CAMK2D: variants seen among roughly 807,000 people sequenced by gnomAD.
CAMK2D encodes calcium/calmodulin-dependent protein kinase type II subunit delta.
CAMK2D carries 37 observed loss-of-function variants against 84.0 expected under a neutral mutation model. That is an observed-to-expected ratio of 0.44 (90% CI 0.34 to 0.58). The LOEUF is 0.58. CAMK2D is among the 20% of genes least tolerant of loss of function. The pLI, the probability that CAMK2D is intolerant of heterozygous loss-of-function variation, is 0.02. For synonymous variants in CAMK2D, 202 were observed against 212.5 expected, an observed-to-expected ratio of 0.95 and a Z score of 0.43; for missense variants, 448 against 652.5, an observed-to-expected ratio of 0.69 and a Z score of 3.41.
At chr4:113,682,301 T>C (rs1356461733) in intron 2 of CAMK2D, among the ~76,000 whole-genome samples, 1 of 152,084 alleles carries the variant, frequency 6.6e-6, no homozygotes, top group Non-Finnish European at 1.5e-5. Flanking sequence ...TTTATAAAAA[T>C]GTATTTTTAT....
chr4:113,513,487 T>G, intron 11 of CAMK2D, 117 bp from the exon 12 acceptor site: 1 of 770,512 alleles, frequency 1.3e-6, no homozygotes. Flanking sequence ...TAGGGGATTT[T>G]TTATTGTTTG....
intron 8 of CAMK2D, among the ~76,000 whole-genome samples, chr4:113,529,751 C>T (rs142622226): frequency 7.5e-4 from 114 of 152,252 alleles, no homozygotes; most frequent in Non-Finnish European, 6.9e-4. Context: ...TCTGTCCCCT[C>T]GGGATGGTCA....
Position 113,502,936 on chromosome 4 carries a change from C to G in CAMK2D, c.1086G>C (p.Lys362Asn). The G allele has an allele frequency of 6.3e-7, 1 of 1,597,958 alleles. No individual in the cohort carries two copies. Among genetic ancestry groups the G allele is most frequent in the Non-Finnish European group, 8.6e-7 (1 of 1,165,570 alleles). ...TTVIHNPDGNKESTESSNTTI... is the reference protein window; with the variant it reads ...TTVIHNPDGNNESTESSNTTI... ...GATGATGTTGATTCTTTCTGAATAC[C>G]TTGTTTCCATCAGGGTTGTGGATTA... Residue 362 changes from lysine (K) to asparagine (N), a missense_variant and splice_region_variant, in exon 15 of 21, where the codon AAG (lysine) becomes AAC (asparagine). Coordinates refer to ENST00000511664, the MANE Select transcript of CAMK2D (RefSeq NM_001321571.2).
At chr4:113,496,113 T>C (rs1299793105) in intron 16 of CAMK2D, among the ~76,000 whole-genome samples, 3 of 152,212 alleles carry the variant, frequency 2.0e-5, no homozygotes, top group Non-Finnish European at 4.4e-5. Flanking sequence ...GGTCTTCACA[T>C]GTATACAGTG....
intron 2 of CAMK2D, among the ~76,000 whole-genome samples, chr4:113,665,798 T>C (rs1184149871): frequency 2.0e-5 from 3 of 152,208 alleles, no homozygotes; most frequent in Non-Finnish European, 2.9e-5. Flanking sequence ...TCTGATAAGG[T>C]ACAAACTGTT....
intron 9 of CAMK2D, among the ~76,000 whole-genome samples, chr4:113,516,840 G>C (rs1041150548): frequency 6.6e-6 from 1 of 152,088 alleles, no homozygotes; most frequent in Non-Finnish European, 1.5e-5. Context: ...GGCTGTATGA[G>C]GGGAAACCTG....
chr4:113,540,527 CCTAA>C (rs1296118551), intron 6 of CAMK2D, among the ~76,000 whole-genome samples: 2 of 152,066 alleles, frequency 1.3e-5, no homozygotes, highest in East Asian at 1.9e-4. Flanking sequence ...ATGTCCTGGC[CCTAA>C]CTGTTATTAC....
chr4:113,755,453 C>T (rs2099626506), intron 2 of CAMK2D, among the ~76,000 whole-genome samples: 1 of 151,746 alleles, frequency 6.6e-6, no homozygotes, highest in Admixed American at 6.6e-5. Context: ...TTTTTTAACC[C>T]TATACTATAA....
intron 6 of CAMK2D, among the ~76,000 whole-genome samples, chr4:113,543,038 G>T (rs533498786): frequency 6.6e-6 from 1 of 152,326 alleles, no homozygotes; most frequent in South Asian, 2.1e-4. Flanking sequence ...CTCCTATCCA[G>T]ATTGTTGTTC....
At chr4:113,666,881 T>C (rs76966932) in intron 2 of CAMK2D, among the ~76,000 whole-genome samples, 2,075 of 152,298 alleles carry the variant, frequency 0.014, 17 homozygotes, top group Non-Finnish European at 0.022. Context: ...TTCCCTATTC[T>C]TATCTCTTTA....
chr4:113,564,095 T>A (rs1188382005), intron 4 of CAMK2D, among the ~76,000 whole-genome samples: 2 of 152,200 alleles, frequency 1.3e-5, no homozygotes, highest in Non-Finnish European at 2.9e-5. Flanking sequence ...GTTCCCTATA[T>A]TAAGAGTTTT....
chr4:113,724,727 T>C (rs2099540822), intron 2 of CAMK2D, among the ~76,000 whole-genome samples: 1 of 151,950 alleles, frequency 6.6e-6, no homozygotes, highest in Non-Finnish European at 1.5e-5. Flanking sequence ...AGTTTTCTTC[T>C]TGCTTTCCTT....
chr4:113,500,544 C>T (rs750134265), intron 15 of CAMK2D, 33 bp from the exon 16 acceptor site: 28 of 1,469,718 alleles, frequency 1.9e-5, no homozygotes, highest in African/African-American at 4.2e-5. Flanking sequence ...TTAGGTTGCA[C>T]GCAATGAATA....
At chr4:113,513,285 A>C in intron 12 of CAMK2D, 43 bp downstream of exon 12, 3 of 1,597,246 alleles carry the variant, frequency 1.9e-6, no homozygotes, top group Non-Finnish European at 2.6e-6. Flanking sequence ...ACTACTTAAA[A>C]AGAAGACCAA....
intron 2 of CAMK2D, among the ~76,000 whole-genome samples, chr4:113,729,049 G>A (rs2099554579): frequency 6.6e-6 from 1 of 150,644 alleles, no homozygotes; most frequent in South Asian, 2.1e-4. Context: ...TTGTAAAATT[G>A]CTTTTAAATG....
intron 2 of CAMK2D, among the ~76,000 whole-genome samples, chr4:113,672,457 A>G (rs888019726): frequency 1.3e-5 from 2 of 152,196 alleles, no homozygotes; most frequent in African/African-American, 4.8e-5. Flanking sequence ...TGTAATTAAT[A>G]TTTTATTAAG....
intron 3 of CAMK2D, among the ~76,000 whole-genome samples, chr4:113,637,409 G>GTAAAA (rs2099114201): frequency 6.6e-6 from 1 of 152,102 alleles, no homozygotes; most frequent in South Asian, 2.1e-4. Context: ...TCAAAATAAT[G>GTAAAA]TAAAATAAAA....
intron 2 of CAMK2D, among the ~76,000 whole-genome samples, chr4:113,700,539 C>T (rs1485324850): frequency 1.3e-5 from 2 of 152,166 alleles, no homozygotes; most frequent in South Asian, 2.1e-4. Flanking sequence ...ATAACCAACT[C>T]CTTCAAATTG....
At chr4:113,543,692 T>C (rs1245512535) in intron 6 of CAMK2D, among the ~76,000 whole-genome samples, 1 of 152,166 alleles carries the variant, frequency 6.6e-6, no homozygotes, top group African/African-American at 2.4e-5. Flanking sequence ...ATTTGAACTT[T>C]AAACCACCAA....
Sources: gnomAD v4.1 joint callset for allele counts (sites outside exome capture counted in the v4.1 genomes callset) on GRCh38, gnomAD v4.1.1 for gene constraint, MANE v1.5 for transcripts, NCBI Gene and HGNC (gene_info 2026-07-23, HGNC 2026-07-21) for gene names.